Variants in PRR16 observed in about 807,000 individuals in gnomAD.
The protein encoded by PRR16 is proline rich 16, also known as protein Largen.
A neutral mutation model predicts 18.2 loss-of-function variants in PRR16; 6 were observed. The observed-to-expected ratio is 0.33, with a 90% CI of 0.18 to 0.65. The LOEUF is 0.65. Among genes scored for constraint, PRR16 ranks in the 30% least tolerant of loss-of-function variants. PRR16 has a pLI of 0.74. For synonymous variants in PRR16, 151 were observed against 147.8 expected, an observed-to-expected ratio of 1.02 and a Z score of -0.16; for missense variants, 412 against 376.6, an observed-to-expected ratio of 1.09 and a Z score of -0.78.
At chr5:120,767,171 GTTAACATTCGCATTTGT>G in the PRR16 span, among the ~76,000 whole-genome samples, 1 of 151,908 alleles carries the variant, frequency 6.6e-6, no homozygotes, top group Non-Finnish European at 1.5e-5. Flanking sequence ...AGGGTTAAAA[GTTAACATTCGCATTTGT>G]GTTAGGCTGC....
At chr5:120,531,755 A>C (rs2112667443) in intron 1 of PRR16, among the ~76,000 whole-genome samples, 1 of 152,246 alleles carries the variant, frequency 6.6e-6, no homozygotes, top group East Asian at 1.9e-4. Context: ...AAAATCACAG[A>C]AAGGGAATAT....
chr5:120,625,841 A>G (rs1253834551), intron 1 of PRR16, among the ~76,000 whole-genome samples: 3 of 152,144 alleles, frequency 2.0e-5, no homozygotes, highest in African/African-American at 7.2e-5. Flanking sequence ...AATAGTTAAC[A>G]TCGAATGAGC....
the PRR16 span, among the ~76,000 whole-genome samples, chr5:120,792,130 TAATC>T: frequency 2.6e-5 from 4 of 152,100 alleles, no homozygotes; most frequent in African/African-American, 4.8e-5. Context: ...ACAATAAAAT[TAATC>T]AAGCATATGT....
intron 1 of PRR16, chr5:120,618,710 C>G (rs1754591935): frequency 3.8e-6 from 1 of 261,876 alleles, no homozygotes; most frequent in Non-Finnish European, 5.9e-6. Flanking sequence ...TAAGAGAGAC[C>G]AATGGATAAA....
intron 1 of PRR16, among the ~76,000 whole-genome samples, chr5:120,521,749 G>A (rs1362228939): frequency 1.3e-5 from 2 of 151,916 alleles, no homozygotes; most frequent in African/African-American, 2.4e-5. Context: ...GTATACATGT[G>A]CCATGTTGGT....
the PRR16 span, among the ~76,000 whole-genome samples, chr5:120,727,377 G>C: frequency 6.6e-6 from 1 of 152,046 alleles, no homozygotes; most frequent in South Asian, 2.1e-4. Flanking sequence ...TAATCTGTAT[G>C]GTCACCTGCC....
intron 1 of PRR16, among the ~76,000 whole-genome samples, chr5:120,557,468 A>G (rs1194744849): frequency 2.0e-5 from 3 of 151,612 alleles, no homozygotes; most frequent in Non-Finnish European, 4.4e-5. Flanking sequence ...CTTTTTGCAA[A>G]TTGCTTCAAA....
intron 1 of PRR16, among the ~76,000 whole-genome samples, chr5:120,547,060 A>G (rs1046521982): frequency 4.6e-5 from 7 of 152,186 alleles, no homozygotes; most frequent in African/African-American, 1.4e-4. Context: ...GTGCATTGCC[A>G]TGGCATTTGT....
At chr5:120,671,420 T>C (rs1207948779) in intron 1 of PRR16, among the ~76,000 whole-genome samples, 1 of 152,154 alleles carries the variant, frequency 6.6e-6, no homozygotes, top group Non-Finnish European at 1.5e-5. Flanking sequence ...AGTAGTGTTA[T>C]CAGTATCAAC....
At chr5:120,487,680 C>T (rs1034526164) in intron 1 of PRR16, among the ~76,000 whole-genome samples, 3 of 152,156 alleles carry the variant, frequency 2.0e-5, no homozygotes, top group African/African-American at 4.8e-5. Flanking sequence ...ACTTCCAACA[C>T]TATGTTGAAT....
At chr5:120,516,759 T>G (rs1751011334) in intron 1 of PRR16, among the ~76,000 whole-genome samples, 1 of 152,166 alleles carries the variant, frequency 6.6e-6, no homozygotes, top group Admixed American at 6.5e-5. Context: ...TTCATAGATC[T>G]TGGACATTTC....
At chr5:120,701,430 G>A in the PRR16 span, among the ~76,000 whole-genome samples, 3 of 152,262 alleles carry the variant, frequency 2.0e-5, no homozygotes, top group Non-Finnish European at 2.9e-5. Context: ...AACGCTATCC[G>A]ATTTGGGATA....
intron 1 of PRR16, among the ~76,000 whole-genome samples, chr5:120,618,770 A>C (rs1023623132): frequency 6.6e-6 from 1 of 151,346 alleles, no homozygotes; most frequent in Non-Finnish European, 1.5e-5. Context: ...TTTTTAATCA[A>C]TTATGTGAAT....
At chr5:120,716,733 G>A in the PRR16 span, among the ~76,000 whole-genome samples, 1 of 152,118 alleles carries the variant, frequency 6.6e-6, no homozygotes, top group African/African-American at 2.4e-5. Flanking sequence ...AAATCTGGGT[G>A]TGGTGGCGGG....
At chr5:120,725,167 T>C in the PRR16 span, among the ~76,000 whole-genome samples, 1 of 152,040 alleles carries the variant, frequency 6.6e-6, no homozygotes, top group Non-Finnish European at 1.5e-5. Context: ...TGGCCAGTTA[T>C]GAGGCTTGGA....
intron 1 of PRR16, among the ~76,000 whole-genome samples, chr5:120,480,348 C>T (rs1436760798): frequency 1.3e-5 from 2 of 152,194 alleles, no homozygotes; most frequent in African/African-American, 2.4e-5. Flanking sequence ...CCAATAACCT[C>T]TTAGTTCTGT....
the PRR16 span, among the ~76,000 whole-genome samples, chr5:120,702,249 TCGGGGC>T: frequency 3.0e-5 from 2 of 66,264 alleles, no homozygotes; most frequent in Non-Finnish European, 6.6e-5. Flanking sequence ...AAATAAGGGG[TCGGGGC>T]ACGGAAATAA....
downstream of PRR16, chr5:120,687,373 T>C (rs1466959552): frequency 6.6e-6 from 1 of 152,194 alleles, no homozygotes; most frequent in Non-Finnish European, 1.5e-5. Context: ...CATTCCTCAA[T>C]ATGGGCAGCA....
At chr5:120,554,016 C>T (rs1418844024) in intron 1 of PRR16, among the ~76,000 whole-genome samples, 1 of 151,748 alleles carries the variant, frequency 6.6e-6, no homozygotes, top group Non-Finnish European at 1.5e-5. Flanking sequence ...TAGTTAAATC[C>T]ATGGAATGAA....
Sources: gnomAD v4.1 joint callset for allele counts (sites outside exome capture counted in the v4.1 genomes callset) on GRCh38, gnomAD v4.1.1 for gene constraint, MANE v1.5 for transcripts, NCBI Gene and HGNC (gene_info 2026-07-23, HGNC 2026-07-21) for gene names.